KIAA0586: variants seen among roughly 807,000 people sequenced by gnomAD.
KIAA0586 encodes protein TALPID3.
KIAA0586 carries 144 observed loss-of-function variants against 169.8 expected under a neutral mutation model. The observed-to-expected ratio is 0.85, with a 90% CI of 0.74 to 0.97. The LOEUF (loss-of-function observed/expected upper bound fraction) is 0.97. KIAA0586 is among the 50% of genes least tolerant of loss of function. The pLI, the probability that KIAA0586 is intolerant of heterozygous loss-of-function variation, is 0.00. For missense variants in KIAA0586, 1,854 were observed against 1,823.0 expected (o/e 1.02, Z -0.31); for synonymous variants, 625 against 612.4 (o/e 1.02, Z -0.30).
At chr14:58,456,173 T>C (rs1441072323) in intron 9 of KIAA0586, among the ~76,000 whole-genome samples, 2 of 152,064 alleles carry the variant, frequency 1.3e-5, no homozygotes, top group Non-Finnish European at 2.9e-5. Context: ...AGGCTGTTGG[T>C]TTTCGAGGCC....
chr14:58,444,215 A>G (rs1319237500), intron 6 of KIAA0586, 40 bp downstream of exon 6: 2 of 1,260,780 alleles, frequency 1.6e-6, no homozygotes, highest in South Asian at 2.5e-5. Context: ...ATAATCTTTT[A>G]TCACTTGGAT....
At chr14:58,464,904 G>A (rs942914632) in intron 14 of KIAA0586, among the ~76,000 whole-genome samples, 2 of 152,034 alleles carry the variant, frequency 1.3e-5, no homozygotes, top group Non-Finnish European at 2.9e-5. Flanking sequence ...TCAGAACAGC[G>A]TACATTGTAA....
intron 30 of KIAA0586, among the ~76,000 whole-genome samples, chr14:58,543,677 C>T (rs1772027742): frequency 6.6e-6 from 1 of 152,186 alleles, no homozygotes; most frequent in African/African-American, 2.4e-5. Flanking sequence ...ACTGCCTAGT[C>T]AGTCAACCAA....
In KIAA0586 at chr14:58,512,561, C is replaced by A. The variant is rs770297568; in HGVS notation, c.4363C>A (p.His1455Asn). The change falls in exon 29 of 31, where the codon CAC (histidine) becomes AAC (asparagine). Residue 1455 changes from histidine to asparagine, a missense_variant. Coordinates refer to ENST00000652326, the MANE Select transcript of KIAA0586 (RefSeq NM_001329943.3). ...KQNQDVKQVEHKPSQSYLRVR... is the reference protein window; with the variant it reads ...KQNQDVKQVENKPSQSYLRVR... ...AAATCAGGATGTTAAGCAAGTTGAA[C>A]ACAAACCATCACAAAGTTACCTACG... is the stretch of plus-strand genomic sequence containing the variant. 7.1e-6 allele frequency: 11 copies of A among 1,542,772 alleles called. No individual in the cohort carries two copies. The South Asian group carries it at 1.3e-4, about 18-fold the overall frequency.
At chr14:58,471,897 T>G (rs1328751398) in intron 17 of KIAA0586, among the ~76,000 whole-genome samples, 1 of 152,186 alleles carries the variant, frequency 6.6e-6, no homozygotes, top group Non-Finnish European at 1.5e-5. Flanking sequence ...TTCCTTTATC[T>G]TAATTCTGGA....
chr14:58,453,890 A>G (rs918140947), intron 9 of KIAA0586, among the ~76,000 whole-genome samples: 1 of 152,190 alleles, frequency 6.6e-6, no homozygotes, highest in Non-Finnish European at 1.5e-5. Flanking sequence ...AATTTTACAT[A>G]ATAAAAAGTT....
chr14:58,519,946 C>T lies in KIAA0586; in HGVS notation c.4429+7319C>T, dbSNP rs540238684. On this transcript the variant is annotated intron_variant, in intron 29 of 30. Coordinates refer to ENST00000652326, the MANE Select transcript of KIAA0586 (RefSeq NM_001329943.3). ...TTTTTAATGTAGACAGTCGTGCAAA[C>T]AGCCACAGTGGACTAATCTAAAGTG... is the stretch of plus-strand genomic sequence containing the variant. Among the ~76,000 whole-genome samples, 3 of 152,314 alleles carry T rather than the reference C, an allele frequency of 2.0e-5. No homozygotes were observed. In the South Asian group the frequency reaches 6.2e-4, roughly 32 times the overall value.
At position 58,487,058 on chromosome 14, in the gene KIAA0586, CCTT is replaced by C. The variant is rs1340282394; in HGVS notation, c.3198_3200del (p.Ser1068del). 6.2e-7 allele frequency: 1 copy of C among 1,613,328 alleles called. No homozygotes were observed. The highest frequency in any genetic ancestry group is 8.5e-7 in the Non-Finnish European group (1 of 1,179,410). On this transcript the variant is annotated inframe_deletion, in exon 22 of 31. Transcript: ENST00000652326. ...CCCACAGCCTACGCCTCCTTGCTCA[CCTT>C]CATCACCTGCTAAGGAGTGTGTTTT... is the stretch of plus-strand genomic sequence containing the variant.
chr14:58,484,235 T>C (rs139517543), intron 21 of KIAA0586, among the ~76,000 whole-genome samples: 1 of 152,202 alleles, frequency 6.6e-6, no homozygotes, highest in African/African-American at 2.4e-5. Context: ...TTCCTAAATA[T>C]GTAGTAGGGC....
At chr14:58,464,958 G>C (rs1428484673) in intron 14 of KIAA0586, among the ~76,000 whole-genome samples, 1 of 152,116 alleles carries the variant, frequency 6.6e-6, no homozygotes, top group Non-Finnish European at 1.5e-5. Context: ...TGTGGTCTTG[G>C]CTACTCGGGA....
Position 58,453,338 on chromosome 14 carries a change from C to T in KIAA0586, c.1130-12C>T, listed in dbSNP as rs1024926782. On this transcript the variant is annotated splice_polypyrimidine_tract_variant and intron_variant, in intron 8 of 30. Transcript: ENST00000652326. ...GTATTTGGAAAATGATACTATATCT[C>T]TTCTATTTCAGGAAATGTAAGACTA... 3 of 1,218,806 alleles carry T rather than the reference C, an allele frequency of 2.5e-6. No homozygotes were observed. Among genetic ancestry groups the T allele is most frequent in the African/African-American group, 3.1e-5 (2 of 63,588 alleles). 75.5% of individuals were successfully genotyped at this position (1,218,806 alleles called of 1,614,324 possible).
intron 27 of KIAA0586, among the ~76,000 whole-genome samples, chr14:58,501,055 A>C (rs2043534691): frequency 6.6e-6 from 1 of 152,238 alleles, no homozygotes; most frequent in Admixed American, 6.5e-5. Context: ...TTTACAAATA[A>C]ATGAGGATCT....
chr14:58,455,912 C>T (rs1003354417), intron 9 of KIAA0586, among the ~76,000 whole-genome samples: 5 of 152,156 alleles, frequency 3.3e-5, no homozygotes, highest in Non-Finnish European at 7.3e-5. Context: ...TATGTTGGAG[C>T]TTTTCAAAAC....
At chr14:58,492,086 A>G in intron 25 of KIAA0586, 58 bp from the exon 26 acceptor site, 3 of 1,340,946 alleles carry the variant, frequency 2.2e-6, no homozygotes, top group Non-Finnish European at 3.0e-6. Flanking sequence ...TTAAATTGAG[A>G]AAAATGCAAT....
chr14:58,538,518 T>A (rs986470904), intron 29 of KIAA0586, among the ~76,000 whole-genome samples: 1 of 152,162 alleles, frequency 6.6e-6, no homozygotes, highest in Non-Finnish European at 1.5e-5. Context: ...AGGCATGCAG[T>A]GTGTAATAAT....
intron 6 of KIAA0586, among the ~76,000 whole-genome samples, chr14:58,445,044 G>T (rs1370084574): frequency 6.6e-6 from 1 of 150,656 alleles, no homozygotes; most frequent in Non-Finnish European, 1.5e-5. Context: ...AGTGAACTAT[G>T]ATAATACAAC....
At position 58,540,212 on chromosome 14, in the gene KIAA0586, A is replaced by G. The variant is rs1431660448; in HGVS notation, c.4495+76A>G. On this transcript the variant is annotated intron_variant, in intron 30 of 30. Coordinates refer to ENST00000652326, the MANE Select transcript of KIAA0586 (RefSeq NM_001329943.3). ...TCATTTCCTGATGATTCTTTCTCTC[A>G]TAATAATCAACACAGTAGAAATACT... 3 of 801,476 alleles carry G rather than the reference A, an allele frequency of 3.7e-6. No homozygotes were observed. In the African/African-American group the frequency reaches 5.3e-5, roughly 14 times the overall value. 49.6% of individuals were successfully genotyped at this position (801,476 alleles called of 1,614,324 possible). A position where few individuals can be genotyped will look rare whatever the true frequency, so the allele number is the denominator to read the frequency against.
intron 15 of KIAA0586, among the ~76,000 whole-genome samples, 157 bp downstream of exon 15, chr14:58,466,186 G>T (rs2040761836): frequency 6.6e-6 from 1 of 152,164 alleles, no homozygotes; most frequent in South Asian, 2.1e-4. Context: ...AAAGTGCTGG[G>T]ATTACAGGCG....
At chr14:58,460,304 T>G (rs921056004) in intron 13 of KIAA0586, among the ~76,000 whole-genome samples, 10 of 152,254 alleles carry the variant, frequency 6.6e-5, no homozygotes, top group Admixed American at 5.2e-4. Flanking sequence ...ATCATGATTT[T>G]GTAGTTATAG....
Sources: allele counts gnomAD v4.1 joint callset (sites outside exome capture counted in the v4.1 genomes callset), GRCh38; gene constraint gnomAD v4.1.1; transcripts MANE v1.5; gene names NCBI Gene and HGNC (gene_info 2026-07-23, HGNC 2026-07-21).